The following MAF variants were observed in gnomAD, a reference collection of about 807,000 sequenced individuals.
MAF encodes the protein MAF bZIP transcription factor.
MAF carries 10 observed loss-of-function variants against 22.0 expected under a neutral mutation model. The ratio of observed to expected loss-of-function variants is 0.45; its 90% CI spans 0.28 to 0.77. MAF has a LOEUF of 0.77. Ranked by LOEUF, MAF falls within the 30% of genes least tolerant of loss-of-function variation. The pLI, the probability that MAF is intolerant of heterozygous loss-of-function variation, is 0.12. For missense variants in MAF, 544 were observed against 548.4 expected (o/e 0.99, Z 0.08); for synonymous variants, 337 against 255.8 (o/e 1.32, Z -3.03).
the MAF span, among the ~76,000 whole-genome samples, chr16:79,432,496 C>T: frequency 6.6e-6 from 1 of 152,076 alleles, no homozygotes; most frequent in Non-Finnish European, 1.5e-5. Context: ...TAACAATATA[C>T]TTAAATAAAA....
the MAF span, among the ~76,000 whole-genome samples, chr16:79,428,001 T>C: frequency 6.6e-6 from 1 of 151,310 alleles, no homozygotes; most frequent in African/African-American, 2.4e-5. Context: ...CCTCATAGCT[T>C]TTCTGTTGTA....
At chr16:79,240,737 G>A in the MAF span, among the ~76,000 whole-genome samples, 1 of 151,806 alleles carries the variant, frequency 6.6e-6, no homozygotes, top group Non-Finnish European at 1.5e-5. Context: ...TGACCCCCTT[G>A]TCTCCTGTTT....
chr16:79,491,242 T>C, the MAF span, among the ~76,000 whole-genome samples: 1 of 152,126 alleles, frequency 6.6e-6, no homozygotes, highest in African/African-American at 2.4e-5. Context: ...TCAGTAATAT[T>C]ACAAATGGGG....
chr16:79,251,316 C>CTTTTTT, the MAF span, among the ~76,000 whole-genome samples: 1 of 131,720 alleles, frequency 7.6e-6, no homozygotes, highest in Non-Finnish European at 1.6e-5. Flanking sequence ...AAGTCTTTAT[C>CTTTTTT]TTTTTTTTTT....
the MAF span, among the ~76,000 whole-genome samples, chr16:79,563,454 G>A: frequency 6.7e-6 from 1 of 149,564 alleles, no homozygotes; most frequent in South Asian, 2.1e-4. Flanking sequence ...TAACCTTATT[G>A]AACATTTAGA....
chr16:79,441,392 T>C, the MAF span, among the ~76,000 whole-genome samples: 1 of 152,228 alleles, frequency 6.6e-6, no homozygotes, highest in Non-Finnish European at 1.5e-5. Context: ...CTATAAAGGC[T>C]CAGATAATAA....
chr16:79,410,302 T>A, the MAF span, among the ~76,000 whole-genome samples: 14 of 152,368 alleles, frequency 9.2e-5, no homozygotes, highest in East Asian at 2.5e-3. Flanking sequence ...AATTTGCGAA[T>A]CTTTCATTGC....
chr16:79,539,172 T>A, the MAF span, among the ~76,000 whole-genome samples: 1 of 152,212 alleles, frequency 6.6e-6, no homozygotes, highest in African/African-American at 2.4e-5. Context: ...ATAAACTAAT[T>A]CAGTCTTTCT....
At chr16:79,295,590 A>T in the MAF span, among the ~76,000 whole-genome samples, 1 of 152,350 alleles carries the variant, frequency 6.6e-6, no homozygotes, top group Non-Finnish European at 1.5e-5. Context: ...CTTTAGGCTG[A>T]ACTTAAATTA....
At chr16:79,468,384 T>C in the MAF span, among the ~76,000 whole-genome samples, 6 of 152,362 alleles carry the variant, frequency 3.9e-5, no homozygotes, top group South Asian at 1.2e-3. Context: ...TTAGATCTCC[T>C]GGGTGAGAGG....
the MAF span, chr16:79,205,542 A>C: frequency 6.6e-6 from 1 of 152,184 alleles, no homozygotes; most frequent in Non-Finnish European, 1.5e-5. Context: ...ACTTTCTCAC[A>C]CTTCTAAAGC....
At chr16:79,410,756 G>A in the MAF span, among the ~76,000 whole-genome samples, 1,435 of 152,330 alleles carry the variant, frequency 9.4e-3, 18 homozygotes, top group African/African-American at 0.032. Flanking sequence ...ATCTTCCAGA[G>A]AAAGGAAAGA....
the MAF span, among the ~76,000 whole-genome samples, chr16:79,348,472 A>T: frequency 2.0e-5 from 3 of 152,232 alleles, no homozygotes; most frequent in Admixed American, 6.5e-5. Context: ...CTTCTGGGAC[A>T]CGTAATGTTA....
the MAF span, among the ~76,000 whole-genome samples, chr16:79,527,898 T>G: frequency 6.6e-6 from 1 of 152,084 alleles, no homozygotes; most frequent in Non-Finnish European, 1.5e-5. Context: ...TCCCACCACT[T>G]TGGGAGGCCG....
the MAF span, among the ~76,000 whole-genome samples, chr16:79,462,939 A>G: frequency 6.6e-6 from 1 of 152,220 alleles, no homozygotes; most frequent in Admixed American, 6.5e-5. Context: ...ATGAAGTTAC[A>G]TAAATCAGGA....
chr16:79,298,378 T>C, the MAF span, among the ~76,000 whole-genome samples: 3 of 152,258 alleles, frequency 2.0e-5, no homozygotes, highest in African/African-American at 7.2e-5. Flanking sequence ...TTGAATGGTC[T>C]AGCACTTTCT....
At chr16:79,302,358 A>T in the MAF span, among the ~76,000 whole-genome samples, 1 of 152,196 alleles carries the variant, frequency 6.6e-6, no homozygotes, top group Non-Finnish European at 1.5e-5. Flanking sequence ...AAAGCTTTTA[A>T]TTAGCCCACT....
chr16:79,385,693 G>C, the MAF span, among the ~76,000 whole-genome samples: 13 of 152,098 alleles, frequency 8.5e-5, no homozygotes, highest in African/African-American at 3.1e-4. Context: ...TTAAGGTCAG[G>C]AGTTCAAGAT....
chr16:79,390,421 C>A, the MAF span, among the ~76,000 whole-genome samples: 1 of 152,164 alleles, frequency 6.6e-6, no homozygotes, highest in Non-Finnish European at 1.5e-5. Context: ...TGAAATGCCA[C>A]CTTTGGTTAT....
Sources: allele counts gnomAD v4.1 joint callset (sites outside exome capture counted in the v4.1 genomes callset), GRCh38; gene constraint gnomAD v4.1.1; transcripts MANE v1.5; gene names NCBI Gene and HGNC (gene_info 2026-07-23, HGNC 2026-07-21).